CALU: variants seen among roughly 807,000 people sequenced by gnomAD.
The protein encoded by CALU is calumenin, also known as IEF SSP 9302.
A neutral mutation model predicts 37.5 loss-of-function variants in CALU; 13 were observed. The ratio of observed to expected loss-of-function variants is 0.35; its 90% CI spans 0.23 to 0.55. CALU has a LOEUF of 0.55. Among genes scored for constraint, CALU ranks in the 20% least tolerant of loss-of-function variants. The probability of loss-of-function intolerance (pLI) is 0.89; values close to 1 mark genes in which losing one functional copy is unlikely to be tolerated. For missense variants in CALU, 282 were observed against 391.7 expected (o/e 0.72, Z 2.36); for synonymous variants, 114 against 133.8 (o/e 0.85, Z 1.02).
intron 5 of CALU, among the ~76,000 whole-genome samples, chr7:128,764,349 C>T (rs909099352): frequency 3.3e-5 from 5 of 152,124 alleles, no homozygotes; most frequent in Admixed American, 6.5e-5. Flanking sequence ...TCACTTGAGC[C>T]TGAGGGTTTG....
At chr7:128,742,654 A>G (rs996049353) in intron 1 of CALU, among the ~76,000 whole-genome samples, 2 of 152,178 alleles carry the variant, frequency 1.3e-5, no homozygotes, top group Non-Finnish European at 2.9e-5. Flanking sequence ...TGAAAGCTCT[A>G]AGTTCTTACC....
chr7:128,754,571 G>A (rs1163222672), intron 3 of CALU, 116 bp downstream of exon 3: 3 of 1,552,764 alleles, frequency 1.9e-6, no homozygotes, highest in Non-Finnish European at 2.6e-6. Flanking sequence ...ATGGGTTTGT[G>A]ACGGAGGGGG....
At position 128,769,852 on chromosome 7, in the gene CALU, G is replaced by T. The variant is rs1216447386; in HGVS notation, c.*685G>T. 1 of 152,240 alleles carries T rather than the reference G, an allele frequency of 6.6e-6. No individual in the cohort carries two copies. The highest frequency in any genetic ancestry group is 2.4e-5 in the African/African-American group (1 of 41,452). The allele number at this position is 152,240 out of a possible 1,614,324, so 9.4% of individuals were successfully genotyped here. On this transcript the variant is annotated 3_prime_UTR_variant, in exon 7 of 7. Coordinates refer to ENST00000249364, the MANE Select transcript of CALU (RefSeq NM_001219.5). ...GCTAATTTTGTCAAGCACAGCTGTGGTGGGAAGAGTTAGGGCCAGTGTCTT... is the reference window on the plus strand; with the variant it reads ...GCTAATTTTGTCAAGCACAGCTGTGTTGGGAAGAGTTAGGGCCAGTGTCTT...
rs986431842 is a variant in CALU, at chr7:128,754,817, A to G, written c.415+362A>G. ...AAAGGAAAGGAAGCTTATCTTAAAT[A>G]GTTCAATTCAGTGCTAAGCTGATTC... On this transcript the variant is annotated intron_variant, in intron 3 of 6. Coordinates refer to ENST00000249364, the MANE Select transcript of CALU (RefSeq NM_001219.5). 7 of 616,472 alleles carry G rather than the reference A, an allele frequency of 1.1e-5. No individual in the cohort carries two copies. The Admixed American group carries it at 2.0e-4, about 17-fold the overall frequency. The allele number at this position is 616,472 out of a possible 1,614,324, so 38.2% of individuals were successfully genotyped here.
At chr7:128,739,686 G>C (rs529346313) in intron 1 of CALU, among the ~76,000 whole-genome samples, 19 of 152,230 alleles carry the variant, frequency 1.2e-4, no homozygotes, top group Admixed American at 9.2e-4. Flanking sequence ...GTCCCGTTGG[G>C]TACTGTTCTG....
intron 2 of CALU, among the ~76,000 whole-genome samples, chr7:128,753,047 A>G (rs1349515631): frequency 1.3e-5 from 2 of 152,168 alleles, no homozygotes; most frequent in Non-Finnish European, 2.9e-5. Context: ...AAGATTACAC[A>G]TTCTCTGAAG....
Position 128,769,204 on chromosome 7 carries a change from A to G in CALU, c.*37A>G, listed in dbSNP as rs749411084. 2.8e-6 allele frequency: 3 copies of G among 1,056,726 alleles called. No homozygotes were observed. Among genetic ancestry groups the G allele is most frequent in the Admixed American group, 2.1e-5 (1 of 48,018 alleles). The allele number at this position is 1,056,726 out of a possible 1,614,324, so 65.5% of individuals were successfully genotyped here. ...ACCCTCATTTCCTCAAAAGTAATTT[A>G]TTTTTACAGCTTCTGGTTTCACATG... On this transcript the variant is annotated 3_prime_UTR_variant, in exon 7 of 7. Transcript: ENST00000249364.
In CALU at chr7:128,771,718, G is replaced by C. The variant is rs1032654680; in HGVS notation, c.*2551G>C. The C allele has an allele frequency of 1.3e-5, 2 of 152,090 alleles. No homozygotes were observed. Among genetic ancestry groups the C allele is most frequent in the Non-Finnish European group, 2.9e-5 (2 of 68,034 alleles). The allele number at this position is 152,090 out of a possible 1,614,324, so 9.4% of individuals were successfully genotyped here. ...GTATAACTGGAGAGACCTGCTGCTCGTTATATAATTATCTGATACCAAACA... is the reference window on the plus strand; with the variant it reads ...GTATAACTGGAGAGACCTGCTGCTCCTTATATAATTATCTGATACCAAACA... On this transcript the variant is annotated 3_prime_UTR_variant, in exon 7 of 7. Coordinates refer to ENST00000249364, the MANE Select transcript of CALU (RefSeq NM_001219.5).
At chr7:128,748,246 TA>T (rs1385093249) in intron 1 of CALU, 1 of 736,478 alleles carries the variant, frequency 1.4e-6, no homozygotes, top group East Asian at 2.8e-5. Context: ...CTTTCACTTT[TA>T]ATTCTTATGA....
intron 5 of CALU, among the ~76,000 whole-genome samples, chr7:128,764,590 A>G (rs1219502298): frequency 6.6e-6 from 1 of 152,246 alleles, no homozygotes; most frequent in Non-Finnish European, 1.5e-5. Context: ...TAATCAAGAA[A>G]TTTAAATTCA....
At chr7:128,750,789 A>G (rs1314263858) in intron 2 of CALU, among the ~76,000 whole-genome samples, 1 of 152,232 alleles carries the variant, frequency 6.6e-6, no homozygotes, top group African/African-American at 2.4e-5. Flanking sequence ...TTATTAAGAG[A>G]TAAGTCATTG....
Position 128,769,134 on chromosome 7 carries a change from T to C in CALU, c.915T>C (p.Phe305=). 6.2e-7 allele frequency: 1 copy of C among 1,610,388 alleles called. No homozygotes were observed. ...DLFVGSQATD[F]GEALVRHDEF ...TTGTTGGCAGCCAGGCCACAGATTT[T>C]GGGGAGGCCTTAGTACGGCATGATG... The change falls in exon 7 of 7, where the codon TTT becomes TTC. Residue 305 remains phenylalanine (F), a synonymous_variant. Transcript: ENST00000249364.
chr7:128,739,896 T>C (rs565079112), intron 1 of CALU, among the ~76,000 whole-genome samples: 2 of 152,066 alleles, frequency 1.3e-5, no homozygotes, highest in East Asian at 3.9e-4. Context: ...GACAGTAGGG[T>C]GCATCTGCCA....
At chr7:128,750,376 G>A (rs556334483) in intron 2 of CALU, among the ~76,000 whole-genome samples, 140 of 152,256 alleles carry the variant, frequency 9.2e-4, no homozygotes, top group African/African-American at 3.3e-3. Flanking sequence ...CTTAGGTTTG[G>A]TATCATTTAG....
chr7:128,772,777 G>C lies in CALU; in HGVS notation c.*3610G>C, dbSNP rs1801640678. The C allele has an allele frequency of 3.6e-6, 5 of 1,397,162 alleles. No homozygotes were observed. Among genetic ancestry groups the C allele is most frequent in the Non-Finnish European group, 5.0e-6 (5 of 995,116 alleles). 86.5% of individuals were successfully genotyped at this position (1,397,162 alleles called of 1,614,324 possible). A position where few individuals can be genotyped will look rare whatever the true frequency, so the allele number is the denominator to read the frequency against. Reference sequence around the variant, plus strand: ...ATGCTTTGTACCCAGAATGCCCTTAGGTGGTTTTGAATCTATCTTCCCCAT... The same window carrying C: ...ATGCTTTGTACCCAGAATGCCCTTACGTGGTTTTGAATCTATCTTCCCCAT... On this transcript the variant is annotated 3_prime_UTR_variant, in exon 7 of 7. Coordinates refer to ENST00000249364, the MANE Select transcript of CALU (RefSeq NM_001219.5).
Position 128,768,904 on chromosome 7 carries a change from G to GT in CALU, c.844-158dup, listed in dbSNP as rs1310166529. ...GTAATTGCTGTTTTCTTCCCTCTTC[G>GT]TATGTATGTAGGGGGAATGAGGGCT... On this transcript the variant is annotated intron_variant, in intron 6 of 6. Coordinates refer to ENST00000249364, the MANE Select transcript of CALU (RefSeq NM_001219.5). 6.1e-5 allele frequency among the ~76,000 whole-genome samples: 9 copies of GT among 146,928 alleles called. 2 individuals carry two copies. The South Asian group carries it at 1.7e-3, about 28-fold the overall frequency.
chr7:128,765,749 T>G, intron 5 of CALU, among the ~76,000 whole-genome samples: 1 of 152,232 alleles, frequency 6.6e-6, no homozygotes, highest in Non-Finnish European at 1.5e-5. Context: ...TCAAATAGTT[T>G]CATATCCATG....
rs1328501883 is a variant in CALU, at chr7:128,754,700, C to T, written c.415+245C>T. ...TAATCTCCTGGGATGAGTACAGAAA[C>T]GTGACTTATGGCACTTACCTGGGTA... On this transcript the variant is annotated intron_variant, in intron 3 of 6. Transcript: ENST00000249364. The T allele has an allele frequency of 6.4e-6, 10 of 1,551,196 alleles. No individual in the cohort carries two copies. In the Admixed American group the frequency reaches 7.9e-5, roughly 12 times the overall value.
intron 2 of CALU, among the ~76,000 whole-genome samples, chr7:128,753,940 A>C (rs1046379186): frequency 6.6e-6 from 1 of 152,248 alleles, no homozygotes; most frequent in Non-Finnish European, 1.5e-5. Flanking sequence ...AAAGTTTTAC[A>C]TGTTGTTTGA....
Sources: allele counts gnomAD v4.1 joint callset (sites outside exome capture counted in the v4.1 genomes callset), GRCh38; gene constraint gnomAD v4.1.1; transcripts MANE v1.5; gene names NCBI Gene and HGNC (gene_info 2026-07-23, HGNC 2026-07-21).